Variants in GAREM1 observed in about 807,000 individuals in gnomAD.
The protein encoded by GAREM1 is GRB2 associated regulator of MAPK1 subtype 1.
GAREM1 carries 26 observed loss-of-function variants against 71.3 expected under a neutral mutation model. The ratio of observed to expected loss-of-function variants is 0.36; its 90% CI spans 0.27 to 0.51. The LOEUF (loss-of-function observed/expected upper bound fraction) is 0.51, where lower values mean the gene tolerates loss of function less well. Among genes scored for constraint, GAREM1 ranks in the 20% least tolerant of loss-of-function variants. The probability of loss-of-function intolerance (pLI) is 0.95; values close to 1 mark genes in which losing one functional copy is unlikely to be tolerated. For synonymous variants in GAREM1, 440 were observed against 433.2 expected, an observed-to-expected ratio of 1.02 and a Z score of -0.20; for missense variants, 1,026 against 1,103.1, an observed-to-expected ratio of 0.93 and a Z score of 0.99.
chr18:32,268,944 G>A (rs1026584335), intron 5 of GAREM1, among the ~76,000 whole-genome samples, 176 bp from the exon 6 acceptor site: 3 of 151,778 alleles, frequency 2.0e-5, no homozygotes, highest in African/African-American at 7.3e-5. Context: ...AAAATACATT[G>A]GTAATTGTAG....
intron 1 of GAREM1, among the ~76,000 whole-genome samples, chr18:32,468,959 GT>G (rs1232646091): frequency 8.9e-4 from 22 of 24,684 alleles, no homozygotes; most frequent in Admixed American, 1.8e-3. Context: ...CCACCTGTGC[GT>G]CCCCCCCCCC....
At chr18:32,393,180 GTTT>G (rs10708225) in intron 1 of GAREM1, 145 bp from the exon 2 acceptor site, 1,145 of 451,238 alleles carry the variant, frequency 2.5e-3, no homozygotes, top group South Asian at 4.5e-3. Flanking sequence ...CCTCTGAATT[GTTT>G]TTTTTTTTTT....
At chr18:32,307,204 T>C (rs2047264493) in intron 3 of GAREM1, among the ~76,000 whole-genome samples, 1 of 152,220 alleles carries the variant, frequency 6.6e-6, no homozygotes, top group Non-Finnish European at 1.5e-5. Context: ...GATACATATG[T>C]ATATTTATTT....
intron 2 of GAREM1, among the ~76,000 whole-genome samples, chr18:32,363,987 C>CATATACACATATATATAT: frequency 3.7e-5 from 1 of 27,094 alleles, no homozygotes; most frequent in East Asian, 1.6e-3. Flanking sequence ...TACATAAATA[C>CATATACACATATATATAT]ATATATACAT....
At chr18:32,333,774 G>C (rs1338569651) in intron 2 of GAREM1, among the ~76,000 whole-genome samples, 2 of 152,120 alleles carry the variant, frequency 1.3e-5, no homozygotes, top group Non-Finnish European at 2.9e-5. Flanking sequence ...CAACCTGATT[G>C]CATTTGGTAT....
At position 32,267,948 on chromosome 18, in the gene GAREM1, A is replaced by G; in HGVS notation, c.2554T>C (p.Ser852Pro). 6.2e-7 allele frequency: 1 copy of G among 1,614,030 alleles called. No homozygotes were observed. Among genetic ancestry groups the G allele is most frequent in the Non-Finnish European group, 8.5e-7 (1 of 1,179,954 alleles). ...AATTTGCTCAATTTGAAATCCTCTGAGAGGATTTCTTCCGTTAGCTGAACA... is the reference window on the plus strand; with the variant it reads ...AATTTGCTCAATTTGAAATCCTCTGGGAGGATTTCTTCCGTTAGCTGAACA... The part of the protein sequence containing the change: ...LLVQLTEEIL[S>P]EDFKLSKLQV... Residue 852 changes from serine (S) to proline (P), a missense_variant, in exon 6 of 6, where the codon TCA (serine) becomes CCA (proline). Physicochemically the swap from Ser to Pro is moderately conservative, Grantham distance 74. Transcript: ENST00000269209.
intron 2 of GAREM1, among the ~76,000 whole-genome samples, chr18:32,378,055 T>TGTGTGTGTGC (rs1338160985): frequency 1.6e-5 from 2 of 127,048 alleles, no homozygotes; most frequent in African/African-American, 2.9e-5. Context: ...TGTGTGTGTG[T>TGTGTGTGTGC]GTGCGCGCGG....
chr18:32,267,850 T>G lies in GAREM1; in HGVS notation c.*21A>C. ...ACACGCATTGATCAGTTTTGTTCCA[T>G]GCTGGCCGGGGGTTATTTGGCTATA... On this transcript the variant is annotated 3_prime_UTR_variant, in exon 6 of 6. Coordinates refer to ENST00000269209, the MANE Select transcript of GAREM1 (RefSeq NM_001242409.2). 1 of 1,593,036 alleles carries G rather than the reference T, an allele frequency of 6.3e-7. No individual in the cohort carries two copies. The highest frequency in any genetic ancestry group is 2.2e-5 in the East Asian group (1 of 44,710).
At chr18:32,370,020 T>C (rs547826919) in intron 2 of GAREM1, among the ~76,000 whole-genome samples, 164 of 152,322 alleles carry the variant, frequency 1.1e-3, no homozygotes, top group Admixed American at 3.7e-3. Context: ...ACAAGACTCT[T>C]AAACAGGTTG....
At chr18:32,289,655 A>G (rs2047060105) in intron 3 of GAREM1, among the ~76,000 whole-genome samples, 1 of 152,084 alleles carries the variant, frequency 6.6e-6, no homozygotes, top group African/African-American at 2.4e-5. Flanking sequence ...GATGATATAG[A>G]TTCATGATTC....
At chr18:32,339,738 C>T (rs1287077401) in intron 2 of GAREM1, among the ~76,000 whole-genome samples, 3 of 152,220 alleles carry the variant, frequency 2.0e-5, no homozygotes, top group African/African-American at 7.2e-5. Context: ...CTCTCTGTTC[C>T]TTAACTTCCC....
intron 2 of GAREM1, among the ~76,000 whole-genome samples, chr18:32,343,570 G>C (rs1024225419): frequency 6.6e-6 from 1 of 151,966 alleles, no homozygotes; most frequent in East Asian, 1.9e-4. Context: ...CAAAGTGCTG[G>C]AATTACAGGC....
intron 4 of GAREM1, among the ~76,000 whole-genome samples, chr18:32,286,263 G>A (rs2047016714): frequency 6.6e-6 from 1 of 151,748 alleles, no homozygotes; most frequent in African/African-American, 2.4e-5. Flanking sequence ...TTAGAATCAA[G>A]CTCTGAATGA....
chr18:32,397,804 C>T (rs576060887), intron 1 of GAREM1, among the ~76,000 whole-genome samples: 44 of 152,214 alleles, frequency 2.9e-4, no homozygotes, highest in African/African-American at 9.9e-4. Flanking sequence ...CAGCTCTGCA[C>T]CAAGCGGACC....
chr18:32,396,770 G>A (rs1425056271), intron 1 of GAREM1, among the ~76,000 whole-genome samples: 1 of 152,110 alleles, frequency 6.6e-6, no homozygotes, highest in East Asian at 1.9e-4. Flanking sequence ...AATCTAGCAA[G>A]GCCGGCCAAC....
chr18:32,392,585 G>T (rs1387811579), intron 2 of GAREM1, among the ~76,000 whole-genome samples: 3 of 152,132 alleles, frequency 2.0e-5, no homozygotes, highest in African/African-American at 4.8e-5. Context: ...ATTCCTCAGA[G>T]ACATGACCCC....
At chr18:32,286,904 C>T in intron 4 of GAREM1, 127 bp downstream of exon 4, 1 of 696,924 alleles carries the variant, frequency 1.4e-6, no homozygotes. Flanking sequence ...GTGTATCTCA[C>T]TCCAAACTAA....
Position 32,267,987 on chromosome 18 carries a change from C to A in GAREM1, c.2515G>T (p.Asp839Tyr). ...VISFFVTEKI[D>Y]GNLLVQLTEE... ...GTTAGCTGAACAAGCAGGTTCCCAT[C>A]AATCTTTTCAGTAACAAAGAATGAT... Residue 839 changes from aspartate to tyrosine, a missense_variant, in exon 6 of 6, where the codon GAT (aspartate) becomes TAT (tyrosine). This residue lies in a region of GAREM1 where 636 missense variants were observed against 631.2 expected (regional missense o/e 1.01). Transcript: ENST00000269209. 1 of 1,614,062 alleles carries A rather than the reference C, an allele frequency of 6.2e-7. No individual in the cohort carries two copies. Among genetic ancestry groups the A allele is most frequent in the Non-Finnish European group, 8.5e-7 (1 of 1,179,956 alleles).
intron 2 of GAREM1, among the ~76,000 whole-genome samples, chr18:32,357,163 C>T (rs1464726398): frequency 6.6e-6 from 1 of 152,154 alleles, no homozygotes; most frequent in East Asian, 1.9e-4. Context: ...CAGGTTTCGG[C>T]TTACAAGTCA....
Sources: gnomAD v4.1 joint callset for allele counts (sites outside exome capture counted in the v4.1 genomes callset) on GRCh38, gnomAD v4.1.1 for gene constraint, gnomAD v4.1.1 regional missense constraint, MANE v1.5 for transcripts, NCBI Gene and HGNC (gene_info 2026-07-23, HGNC 2026-07-21) for gene names.